NELL2: variants seen among roughly 807,000 people sequenced by gnomAD.
The protein encoded by NELL2 is neural EGFL like 2, also known as protein kinase C-binding protein NELL2.
A neutral mutation model predicts 109.6 loss-of-function variants in NELL2; 41 were observed. That is an observed-to-expected ratio of 0.37 (90% CI 0.29 to 0.49). The LOEUF is 0.49. Among genes scored for constraint, NELL2 ranks in the 20% least tolerant of loss-of-function variants. The pLI, the probability that NELL2 is intolerant of heterozygous loss-of-function variation, is 0.98. For missense variants in NELL2, 900 were observed against 1,008.3 expected (o/e 0.89, Z 1.45); for synonymous variants, 355 against 344.7 (o/e 1.03, Z -0.33).
chr12:44,884,921 T>C (rs79357045), intron 1 of NELL2, among the ~76,000 whole-genome samples: 1,604 of 152,072 alleles, frequency 0.011, 31 homozygotes, highest in East Asian at 0.048. Context: ...AACTTAAAAA[T>C]ATACATCTAA....
intron 15 of NELL2, among the ~76,000 whole-genome samples, chr12:44,549,043 C>T (rs1209004498): frequency 6.6e-6 from 1 of 152,096 alleles, no homozygotes; most frequent in East Asian, 1.9e-4. Context: ...ACTTATTAGA[C>T]AGGCAAGGAT....
intron 13 of NELL2, among the ~76,000 whole-genome samples, chr12:44,625,869 G>C (rs1398992288): frequency 2.0e-5 from 3 of 151,888 alleles, no homozygotes; most frequent in Non-Finnish European, 4.4e-5. Context: ...AAACACTGAA[G>C]CTCGCCAGCA....
upstream of NELL2, among the ~76,000 whole-genome samples, chr12:44,880,332 T>A (rs895461081): frequency 6.6e-6 from 1 of 151,936 alleles, no homozygotes; most frequent in Non-Finnish European, 1.5e-5. Flanking sequence ...CAAATAGAAC[T>A]TCTAGCAATA....
At chr12:44,782,107 T>A (rs1941984418) in intron 3 of NELL2, among the ~76,000 whole-genome samples, 1 of 151,924 alleles carries the variant, frequency 6.6e-6, no homozygotes, top group Non-Finnish European at 1.5e-5. Flanking sequence ...TAAACAATAT[T>A]TAAAGAATTT....
intron 15 of NELL2, among the ~76,000 whole-genome samples, chr12:44,533,243 C>T (rs987817272): frequency 1.3e-5 from 2 of 152,150 alleles, no homozygotes; most frequent in African/African-American, 4.8e-5. Flanking sequence ...ACCTGGGACA[C>T]ATTCCTTACT....
intron 13 of NELL2, among the ~76,000 whole-genome samples, chr12:44,648,900 T>TCGTGTGTGTGTGTGTG (rs1947198009): frequency 9.3e-6 from 1 of 107,148 alleles, no homozygotes; most frequent in Non-Finnish European, 1.8e-5. Flanking sequence ...CACGCCCAGC[T>TCGTGTGTGTGTGTGTG]TGTGTGTGTG....
At chr12:44,719,769 T>C (rs73278118) in intron 9 of NELL2, among the ~76,000 whole-genome samples, 10,801 of 152,110 alleles carry the variant, frequency 0.071, 1,249 homozygotes, top group African/African-American at 0.24. Context: ...GGAGACTTCT[T>C]AAAAATGTAT....
intron 9 of NELL2, among the ~76,000 whole-genome samples, chr12:44,742,863 T>C (rs1463628143): frequency 2.0e-5 from 3 of 152,126 alleles, no homozygotes; most frequent in Admixed American, 1.3e-4. Context: ...TGGAACCAAG[T>C]TGGAAAACAC....
chr12:44,656,177 G>C (rs1442065298), intron 13 of NELL2, among the ~76,000 whole-genome samples: 4 of 152,188 alleles, frequency 2.6e-5, no homozygotes, highest in Non-Finnish European at 5.9e-5. Flanking sequence ...ACCCCAGGAA[G>C]ATTAGTATTG....
chr12:44,779,478 T>C (rs1941873344), intron 5 of NELL2, among the ~76,000 whole-genome samples, 185 bp downstream of exon 5: 1 of 151,438 alleles, frequency 6.6e-6, no homozygotes, highest in Non-Finnish European at 1.5e-5. Flanking sequence ...TTAAACTCAT[T>C]GAAAAAAGAA....
chr12:44,628,578 G>A (rs1946346092), intron 13 of NELL2, among the ~76,000 whole-genome samples: 1 of 152,156 alleles, frequency 6.6e-6, no homozygotes, highest in African/African-American at 2.4e-5. Flanking sequence ...TCTCCACCCT[G>A]TAATGTTCTT....
intron 9 of NELL2, among the ~76,000 whole-genome samples, chr12:44,762,972 A>G (rs1049919424): frequency 2.6e-5 from 4 of 152,190 alleles, no homozygotes; most frequent in Non-Finnish European, 5.9e-5. Flanking sequence ...CTATTTCTAG[A>G]TCATTTCAAG....
chr12:44,747,313 G>C (rs562790348), intron 9 of NELL2, among the ~76,000 whole-genome samples: 84 of 152,136 alleles, frequency 5.5e-4, no homozygotes, highest in African/African-American at 1.8e-3. Context: ...GTGGGGGAAG[G>C]GGGGAGGGAT....
chr12:44,851,045 C>T (rs1451096243), intron 2 of NELL2, among the ~76,000 whole-genome samples: 2 of 152,050 alleles, frequency 1.3e-5, no homozygotes, highest in Non-Finnish European at 2.9e-5. Context: ...ATGTACATAC[C>T]TAAATAACTA....
At chr12:44,556,504 G>A (rs769520259) in intron 15 of NELL2, among the ~76,000 whole-genome samples, 1 of 152,118 alleles carries the variant, frequency 6.6e-6, no homozygotes, top group Admixed American at 6.5e-5. Flanking sequence ...CCAGATATAG[G>A]ATCACCTAAG....
At chr12:44,641,573 A>G (rs561029129) in intron 13 of NELL2, among the ~76,000 whole-genome samples, 1 of 152,238 alleles carries the variant, frequency 6.6e-6, no homozygotes, top group African/African-American at 2.4e-5. Flanking sequence ...AAAACCCCAT[A>G]AATATGAGTA....
At chr12:44,753,773 C>T (rs1228279654) in intron 9 of NELL2, among the ~76,000 whole-genome samples, 5 of 152,168 alleles carry the variant, frequency 3.3e-5, no homozygotes, top group East Asian at 3.9e-4. Flanking sequence ...ATTACAATGG[C>T]TGGCTTGCAG....
intron 9 of NELL2, among the ~76,000 whole-genome samples, chr12:44,735,153 G>A (rs898659963): frequency 5.9e-5 from 9 of 151,990 alleles, no homozygotes; most frequent in Non-Finnish European, 1.2e-4. Context: ...AAGATATACT[G>A]ATTTATCTTA....
At position 44,875,808 on chromosome 12, in the gene NELL2, C is replaced by A; in HGVS notation, c.55+7G>T. ...CTTTCCCCAGCCCCAGCTCTGCGGC[C>A]ACTCACCTGCTCCGAGACCGAAGAT... On this transcript the variant is annotated splice_region_variant and intron_variant, in intron 1 of 19. Transcript: ENST00000429094. The A allele has an allele frequency of 6.2e-7, 1 of 1,613,648 alleles. No individual in the cohort carries two copies. The highest frequency in any genetic ancestry group is 8.5e-7 in the Non-Finnish European group (1 of 1,180,026).
Sources: allele counts gnomAD v4.1 joint callset (sites outside exome capture counted in the v4.1 genomes callset), GRCh38; gene constraint gnomAD v4.1.1; transcripts MANE v1.5; gene names NCBI Gene and HGNC (gene_info 2026-07-23, HGNC 2026-07-21).